EDNRB: variants seen among roughly 807,000 people sequenced by gnomAD.
EDNRB encodes Hirschsprung disease 2.
EDNRB carries 18 observed loss-of-function variants against 46.4 expected under a neutral mutation model. The observed-to-expected ratio is 0.39, with a 90% confidence interval of 0.27 to 0.57. The LOEUF (loss-of-function observed/expected upper bound fraction) is 0.57. Among genes scored for constraint, EDNRB ranks in the 20% least tolerant of loss-of-function variants. EDNRB has a pLI of 0.61. For missense variants in EDNRB, 434 were observed against 537.5 expected, an observed-to-expected ratio of 0.81 and a Z score of 1.90; for synonymous variants, 213 against 204.9, an observed-to-expected ratio of 1.04 and a Z score of -0.34.
At chr13:77,973,698 G>C (rs1321969060) in intron 1 of EDNRB, among the ~76,000 whole-genome samples, 5 of 151,860 alleles carry the variant, frequency 3.3e-5, no homozygotes, top group Non-Finnish European at 5.9e-5. Flanking sequence ...CACATAAACT[G>C]TTTCTTTAAT....
Position 77,897,926 on chromosome 13 carries a change from G to T in EDNRB, c.*274C>A. The T allele has an allele frequency of 8.5e-7, 1 of 1,178,268 alleles. No homozygotes were observed. 73.0% of individuals were successfully genotyped at this position (1,178,268 alleles called of 1,614,324 possible). A position where few individuals can be genotyped will look rare whatever the true frequency, so the allele number is the denominator to read the frequency against. Reference sequence around the variant, plus strand: ...GCCTAAGTGTTGTGTGAATATCCTGGAAGTTGTTAAGAGCTATGTTGAAGT... The same window carrying T: ...GCCTAAGTGTTGTGTGAATATCCTGTAAGTTGTTAAGAGCTATGTTGAAGT... On this transcript the variant is annotated 3_prime_UTR_variant, in exon 7 of 7. Transcript: ENST00000646607.
chr13:77,974,515 T>G (rs1401206144), intron 1 of EDNRB, among the ~76,000 whole-genome samples: 1 of 152,194 alleles, frequency 6.6e-6, no homozygotes, highest in Admixed American at 6.5e-5. Flanking sequence ...ATTATAGGTT[T>G]CAAATTTACC....
chr13:77,903,396 A>T lies in EDNRB; in HGVS notation c.597-36T>A, dbSNP rs375521054. On this transcript the variant is annotated intron_variant, in intron 2 of 6. Transcript: ENST00000646607. ...AAATAGAATTGTATTTTAAGCTGGC[A>T]TACCTTAGTTTTATTGAATTGCACA... 4 of 1,612,110 alleles carry T rather than the reference A, an allele frequency of 2.5e-6. No homozygotes were observed. In the African/African-American group the frequency reaches 5.3e-5, roughly 22 times the overall value.
At chr13:77,944,131 T>A (rs1016705698) in intron 1 of EDNRB, among the ~76,000 whole-genome samples, 2 of 152,072 alleles carry the variant, frequency 1.3e-5, no homozygotes, top group African/African-American at 4.8e-5. Context: ...ACTCCATGTT[T>A]TTTTCTGGAT....
intron 1 of EDNRB, among the ~76,000 whole-genome samples, chr13:77,967,439 T>C (rs1378757390): frequency 1.3e-5 from 2 of 152,190 alleles, no homozygotes; most frequent in Non-Finnish European, 2.9e-5. Context: ...TAATAGTGAA[T>C]AAAAGGCCAA....
intron 1 of EDNRB, among the ~76,000 whole-genome samples, chr13:77,941,386 C>T (rs1353414085): frequency 1.3e-5 from 2 of 152,050 alleles, no homozygotes; most frequent in Non-Finnish European, 2.9e-5. Context: ...TTTGTCTATT[C>T]TCTGTTCTGA....
At chr13:77,965,072 T>A (rs1314934493) in intron 1 of EDNRB, among the ~76,000 whole-genome samples, 2 of 152,210 alleles carry the variant, frequency 1.3e-5, no homozygotes, top group Non-Finnish European at 2.9e-5. Flanking sequence ...TTAGCCCTCT[T>A]CTGATAATCT....
At chr13:77,937,757 G>A (rs929746856) in intron 1 of EDNRB, among the ~76,000 whole-genome samples, 4 of 152,212 alleles carry the variant, frequency 2.6e-5, no homozygotes, top group East Asian at 3.9e-4. Flanking sequence ...TTAGCCTGGC[G>A]ATGAGGGGAG....
chr13:77,959,157 C>T (rs1881325696), intron 1 of EDNRB, among the ~76,000 whole-genome samples: 1 of 152,212 alleles, frequency 6.6e-6, no homozygotes, highest in African/African-American at 2.4e-5. Context: ...CCTCTGCAGA[C>T]TTAAATGTCC....
At chr13:77,908,238 C>T (rs1879388823) in intron 1 of EDNRB, among the ~76,000 whole-genome samples, 1 of 151,838 alleles carries the variant, frequency 6.6e-6, no homozygotes, top group African/African-American at 2.4e-5. Flanking sequence ...ACCTCTGCCT[C>T]ACTGATCAGA....
At chr13:77,909,569 A>G (rs1377647372) in intron 1 of EDNRB, among the ~76,000 whole-genome samples, 4 of 152,084 alleles carry the variant, frequency 2.6e-5, no homozygotes, top group Admixed American at 2.0e-4. Context: ...CTCATTAAAC[A>G]TAGATAGCAT....
At chr13:77,923,516 T>C (rs1880144014), upstream of EDNRB, among the ~76,000 whole-genome samples, 1 of 152,216 alleles carries the variant, frequency 6.6e-6, no homozygotes, top group Non-Finnish European at 1.5e-5. Context: ...AACACTATCA[T>C]TACTGTATGT....
chr13:77,962,996 A>G (rs1881471743), intron 1 of EDNRB, among the ~76,000 whole-genome samples: 1 of 152,226 alleles, frequency 6.6e-6, no homozygotes, highest in Non-Finnish European at 1.5e-5. Context: ...ACAGAGCCAA[A>G]TCATGAGTGA....
At chr13:77,956,556 G>A (rs1454630338) in intron 1 of EDNRB, among the ~76,000 whole-genome samples, 1 of 152,132 alleles carries the variant, frequency 6.6e-6, no homozygotes, top group East Asian at 1.9e-4. Context: ...GCAAAAGTGG[G>A]CATCCTTGCC....
Position 77,900,550 on chromosome 13 carries a change from C to T in EDNRB, c.1056G>A (p.Gln352=), listed in dbSNP as rs2137604746. ...AAAGTTCACATCTATTGGGATCATT[C>T]TGATTATAAAGAGTGAGCTTCAGAA... ...SRILKLTLYN[Q]NDPNRCELLS... The change falls in exon 5 of 7, where the codon CAG becomes CAA. Residue 352 remains glutamine (Q), a synonymous_variant. Coordinates refer to ENST00000646607, the MANE Select transcript of EDNRB (RefSeq NM_001122659.3). The T allele has an allele frequency of 6.2e-7, 1 of 1,612,462 alleles. No individual in the cohort carries two copies. Among genetic ancestry groups the T allele is most frequent in the Non-Finnish European group, 8.5e-7 (1 of 1,179,036 alleles).
chr13:77,971,956 G>A (rs1380314908), intron 1 of EDNRB, among the ~76,000 whole-genome samples: 1 of 152,178 alleles, frequency 6.6e-6, no homozygotes, highest in Non-Finnish European at 1.5e-5. Context: ...TCTGCTTGGG[G>A]ATGAACAAGG....
At chr13:77,961,874 G>A (rs1464596611) in intron 1 of EDNRB, among the ~76,000 whole-genome samples, 1 of 152,108 alleles carries the variant, frequency 6.6e-6, no homozygotes, top group Non-Finnish European at 1.5e-5. Context: ...AAAATTGAAA[G>A]ACTGCTATCA....
chr13:77,970,569 G>A (rs887573436), intron 1 of EDNRB, among the ~76,000 whole-genome samples: 26 of 151,862 alleles, frequency 1.7e-4, no homozygotes, highest in Admixed American at 1.5e-3. Flanking sequence ...ATTCTCTCAG[G>A]GGGCTATTTA....
intron 1 of EDNRB, among the ~76,000 whole-genome samples, chr13:77,946,768 T>G (rs1224826629): frequency 2.6e-5 from 4 of 152,250 alleles, no homozygotes; most frequent in Non-Finnish European, 5.9e-5. Flanking sequence ...GGAAATACAC[T>G]GACGTTATTA....
Sources: allele counts gnomAD v4.1 joint callset (sites outside exome capture counted in the v4.1 genomes callset), GRCh38; gene constraint gnomAD v4.1.1; transcripts MANE v1.5; gene names NCBI Gene and HGNC (gene_info 2026-07-23, HGNC 2026-07-21).